The following SLC35F4 variants were observed in gnomAD, a reference collection of about 807,000 sequenced individuals.
The protein encoded by SLC35F4 is solute carrier family 35 member F4.
In SLC35F4, 24 loss-of-function variants were observed where a neutral mutation model predicts 44.2. The ratio of observed to expected loss-of-function variants is 0.54; its 90% CI spans 0.39 to 0.76. The LOEUF (loss-of-function observed/expected upper bound fraction) is 0.76. SLC35F4 is among the 30% of genes least tolerant of loss of function. The pLI is 0.00. For missense variants in SLC35F4, 562 were observed against 586.1 expected, an observed-to-expected ratio of 0.96 and a Z score of 0.42; for synonymous variants, 238 against 223.6, an observed-to-expected ratio of 1.06 and a Z score of -0.57.
chr14:57,939,063 G>A (rs1889869000), intron 1 of SLC35F4, among the ~76,000 whole-genome samples: 1 of 152,064 alleles, frequency 6.6e-6, no homozygotes, highest in South Asian at 2.1e-4. Flanking sequence ...GCAAAGTGGG[G>A]AAATGCATGC....
chr14:57,815,688 C>T (rs1595129965), intron 1 of SLC35F4, among the ~76,000 whole-genome samples: 1 of 152,236 alleles, frequency 6.6e-6, no homozygotes, highest in Non-Finnish European at 1.5e-5. Context: ...GCAGGAGGCG[C>T]TCCTACCCAC....
chr14:57,939,550 C>T (rs1281403785), intron 1 of SLC35F4, among the ~76,000 whole-genome samples: 1 of 152,204 alleles, frequency 6.6e-6, no homozygotes, highest in Non-Finnish European at 1.5e-5. Flanking sequence ...CACCCTCTCC[C>T]TGCATATCCC....
intron 1 of SLC35F4, among the ~76,000 whole-genome samples, chr14:57,970,288 A>T (rs1361328556): frequency 1.3e-5 from 2 of 152,216 alleles, no homozygotes; most frequent in Non-Finnish European, 2.9e-5. Context: ...ATAAAAATGA[A>T]GTGAGATTGA....
At chr14:57,952,293 T>A (rs2141081487) in intron 1 of SLC35F4, among the ~76,000 whole-genome samples, 1 of 152,016 alleles carries the variant, frequency 6.6e-6, no homozygotes, top group East Asian at 1.9e-4. Context: ...GTCACCAGCA[T>A]CAAAGACCAA....
intron 1 of SLC35F4, among the ~76,000 whole-genome samples, chr14:57,616,168 A>C (rs2071808418): frequency 6.6e-6 from 1 of 152,186 alleles, no homozygotes; most frequent in South Asian, 2.1e-4. Context: ...CCATCTCCAG[A>C]ACTTTTTCAG....
chr14:57,565,303 C>T (rs2068151574), intron 7 of SLC35F4, among the ~76,000 whole-genome samples: 1 of 152,140 alleles, frequency 6.6e-6, no homozygotes, highest in Non-Finnish European at 1.5e-5. Context: ...AGCTACCCTT[C>T]ACTCCTCATA....
downstream of SLC35F4, among the ~76,000 whole-genome samples, chr14:57,976,480 A>T (rs545370949): frequency 6.6e-6 from 1 of 152,342 alleles, no homozygotes; most frequent in African/African-American, 2.4e-5. Context: ...AACTGTTCCC[A>T]CACCTAGCCA....
At chr14:57,959,144 G>C (rs531983175) in intron 1 of SLC35F4, among the ~76,000 whole-genome samples, 1 of 152,152 alleles carries the variant, frequency 6.6e-6, no homozygotes, top group Non-Finnish European at 1.5e-5. Context: ...GGCACTGTGT[G>C]AACAATACTT....
intron 1 of SLC35F4, among the ~76,000 whole-genome samples, chr14:57,811,656 A>G (rs1484673017): frequency 6.6e-6 from 1 of 152,266 alleles, no homozygotes; most frequent in African/African-American, 2.4e-5. Flanking sequence ...AGAACATTGC[A>G]TAACAAAAAC....
intron 1 of SLC35F4, among the ~76,000 whole-genome samples, chr14:57,739,235 C>T (rs1042368093): frequency 6.6e-6 from 1 of 152,172 alleles, no homozygotes; most frequent in Non-Finnish European, 1.5e-5. Context: ...CATAAAATCT[C>T]CATGAAACAT....
At chr14:57,773,172 C>CT (rs1410763454) in intron 1 of SLC35F4, among the ~76,000 whole-genome samples, 3 of 152,140 alleles carry the variant, frequency 2.0e-5, no homozygotes, top group Non-Finnish European at 4.4e-5. Context: ...TTTTGCCCAG[C>CT]TTTTAATGGG....
chr14:57,782,292 T>C (rs1173130794), intron 1 of SLC35F4, among the ~76,000 whole-genome samples: 1 of 138,338 alleles, frequency 7.2e-6, no homozygotes, highest in Non-Finnish European at 1.5e-5. Flanking sequence ...CCCTTATACA[T>C]GGATTTTTTT....
chr14:57,917,170 C>T (rs890704485), intron 1 of SLC35F4, among the ~76,000 whole-genome samples: 2 of 152,142 alleles, frequency 1.3e-5, no homozygotes, highest in African/African-American at 2.4e-5. Flanking sequence ...AAGTGATTCT[C>T]CTGCCTCAGC....
At chr14:57,756,418 T>G (rs1336698631) in intron 1 of SLC35F4, among the ~76,000 whole-genome samples, 1 of 152,180 alleles carries the variant, frequency 6.6e-6, no homozygotes, top group East Asian at 1.9e-4. Context: ...AAATTCCAAT[T>G]TAATTCCAAT....
At position 57,731,572 on chromosome 14, in the gene SLC35F4, C is replaced by T. The variant is rs555111740; in HGVS notation, c.103+134151G>A. 2.0e-5 allele frequency among the ~76,000 whole-genome samples: 3 copies of T among 152,326 alleles called. No homozygotes were observed. In the South Asian group the frequency reaches 6.2e-4, roughly 32 times the overall value. Reference sequence around the variant, plus strand: ...CACTGGTTCGAGCAGCAGATCCAGGCAAGATTGTCAGGTAGTCAGTTCCTA... The same window carrying T: ...CACTGGTTCGAGCAGCAGATCCAGGTAAGATTGTCAGGTAGTCAGTTCCTA... On this transcript the variant is annotated intron_variant, in intron 1 of 7. Transcript: ENST00000556826.
intron 1 of SLC35F4, among the ~76,000 whole-genome samples, chr14:57,715,342 C>A (rs1485959072): frequency 6.6e-6 from 1 of 152,210 alleles, no homozygotes; most frequent in Non-Finnish European, 1.5e-5. Context: ...GATCATACAT[C>A]CCTGTTTGCT....
intron 1 of SLC35F4, among the ~76,000 whole-genome samples, chr14:57,784,091 A>T (rs1018658188): frequency 6.6e-6 from 1 of 152,214 alleles, no homozygotes; most frequent in African/African-American, 2.4e-5. Context: ...AAATGGCAAA[A>T]AAGTGATTAG....
intron 1 of SLC35F4, among the ~76,000 whole-genome samples, chr14:57,959,337 G>A (rs959543394): frequency 1.5e-4 from 23 of 152,068 alleles, no homozygotes; most frequent in African/African-American, 5.6e-4. Flanking sequence ...AAGTCACCTT[G>A]AGGAAAATCT....
At chr14:57,617,555 T>G (rs1234345941) in intron 1 of SLC35F4, among the ~76,000 whole-genome samples, 1 of 152,264 alleles carries the variant, frequency 6.6e-6, no homozygotes, top group Non-Finnish European at 1.5e-5. Context: ...ACCTTGCATG[T>G]GCTAGGCACT....
Sources: allele counts gnomAD v4.1 joint callset (sites outside exome capture counted in the v4.1 genomes callset), GRCh38; gene constraint gnomAD v4.1.1; transcripts MANE v1.5; gene names NCBI Gene and HGNC (gene_info 2026-07-23, HGNC 2026-07-21).